The following TAFA5 variants were observed in gnomAD, a reference collection of about 807,000 sequenced individuals.
TAFA5 encodes the protein chemokine-like protein TAFA-5.
In TAFA5, 6 loss-of-function variants were observed where a neutral mutation model predicts 15.3. The ratio of observed to expected loss-of-function variants is 0.39; its 90% CI spans 0.21 to 0.77. The LOEUF (loss-of-function observed/expected upper bound fraction) is 0.77, where lower values mean the gene tolerates loss of function less well. Among genes scored for constraint, TAFA5 ranks in the 30% least tolerant of loss-of-function variants. TAFA5 has a pLI of 0.41. For synonymous variants in TAFA5, 103 were observed against 80.7 expected (o/e 1.28, Z -1.48); for missense variants, 161 against 193.1 (o/e 0.83, Z 0.98).
chr22:48,561,179 C>A (rs1158023651), intron 1 of TAFA5, among the ~76,000 whole-genome samples: 1 of 152,118 alleles, frequency 6.6e-6, no homozygotes, highest in Non-Finnish European at 1.5e-5. Flanking sequence ...CTGATGACAT[C>A]CCACATCTCG....
chr22:48,557,253 G>A (rs1923073263), intron 1 of TAFA5, among the ~76,000 whole-genome samples: 2 of 152,192 alleles, frequency 1.3e-5, no homozygotes, highest in African/African-American at 4.8e-5. Flanking sequence ...TAAGGGTGGG[G>A]CCCTGATCCA....
At chr22:48,650,744 C>T (rs1259348097) in intron 2 of TAFA5, among the ~76,000 whole-genome samples, 1 of 152,198 alleles carries the variant, frequency 6.6e-6, no homozygotes, top group Non-Finnish European at 1.5e-5. Context: ...GATTCAAACA[C>T]AAACCAGCCA....
rs759551273 is a variant in TAFA5 at position 48,742,067 on chromosome 22, G to C, written c.391-7772G>C. Among the ~76,000 whole-genome samples, 6 of 152,194 alleles carry C rather than the reference G, an allele frequency of 3.9e-5. No homozygotes were observed. The highest frequency in any genetic ancestry group is 1.3e-4 in the Admixed American group (2 of 15,282). On this transcript the variant is annotated intron_variant, in intron 3 of 3. Coordinates refer to ENST00000402357, the MANE Select transcript of TAFA5 (RefSeq NM_001082967.3). This position sits in a 1 kb window ranked among gnomAD's most constrained non-coding sequence, Gnocchi z 6.2. ...AGACGGGGAAACTGGGGCTCCCAGA[G>C]GCTCCAGCTGGGAGGCTGTGGGAGG...
intron 3 of TAFA5, among the ~76,000 whole-genome samples, chr22:48,722,960 A>G (rs1329442224): frequency 6.6e-6 from 1 of 152,146 alleles, no homozygotes; most frequent in Non-Finnish European, 1.5e-5. Flanking sequence ...ATGGACTTGC[A>G]GGGGAGCCCG....
At chr22:48,660,415 T>G (rs1927395655) in intron 2 of TAFA5, among the ~76,000 whole-genome samples, 1 of 152,240 alleles carries the variant, frequency 6.6e-6, no homozygotes, top group Non-Finnish European at 1.5e-5. Flanking sequence ...TTTCATTTTT[T>G]TATGGGGCTG....
At chr22:48,719,662 A>G (rs1929510265) in intron 3 of TAFA5, among the ~76,000 whole-genome samples, 1 of 152,242 alleles carries the variant, frequency 6.6e-6, no homozygotes, top group Non-Finnish European at 1.5e-5. Flanking sequence ...ACTTGGCCAG[A>G]AGTGGCCGGG....
intron 1 of TAFA5, among the ~76,000 whole-genome samples, chr22:48,585,628 C>T (rs1464927403): frequency 4.6e-5 from 7 of 151,254 alleles, no homozygotes; most frequent in African/African-American, 1.7e-4. Flanking sequence ...ACCACACACA[C>T]TAGACATCAC....
chr22:48,637,875 A>G (rs912817422), intron 1 of TAFA5, among the ~76,000 whole-genome samples: 2 of 152,006 alleles, frequency 1.3e-5, no homozygotes, highest in Non-Finnish European at 2.9e-5. Flanking sequence ...CCGGTTTATG[A>G]ATAGGTCTTC....
chr22:48,715,668 G>A (rs1009434250), intron 3 of TAFA5, among the ~76,000 whole-genome samples: 1 of 152,190 alleles, frequency 6.6e-6, no homozygotes. Context: ...CTGTCCTGCT[G>A]GAGAGAAGAG....
At chr22:48,612,993 G>A (rs114297168) in intron 1 of TAFA5, among the ~76,000 whole-genome samples, 1 of 152,120 alleles carries the variant, frequency 6.6e-6, no homozygotes, top group African/African-American at 2.4e-5. Context: ...CCCAGGAGGT[G>A]GGGCTCCTCC....
intron 1 of TAFA5, among the ~76,000 whole-genome samples, chr22:48,512,359 C>A (rs1224820653): frequency 6.6e-6 from 1 of 152,210 alleles, no homozygotes; most frequent in Non-Finnish European, 1.5e-5. Context: ...GTAATCCCAG[C>A]ACTTTGGGAG....
chr22:48,581,448 A>T (rs1924036348), intron 1 of TAFA5, among the ~76,000 whole-genome samples: 1 of 152,202 alleles, frequency 6.6e-6, no homozygotes, highest in Non-Finnish European at 1.5e-5. Context: ...TGCTGAGCAC[A>T]GTGCGAGAAA....
At chr22:48,707,182 A>G (rs130140) in intron 2 of TAFA5, among the ~76,000 whole-genome samples, 23 of 150,748 alleles carry the variant, frequency 1.5e-4, no homozygotes, top group Non-Finnish European at 3.0e-4. Context: ...CGGGAGTAGG[A>G]TGGGGGCCAG....
At position 48,566,292 on chromosome 22, in the gene TAFA5, AGATG is replaced by A. The variant is rs1457213202; in HGVS notation, c.112+76597_112+76600del. 7.2e-6 allele frequency among the ~76,000 whole-genome samples: 1 copy of A among 138,624 alleles called. No individual in the cohort carries two copies. The allele number at this position is 138,624 out of a possible 152,430, so 90.9% of individuals were successfully genotyped here. On this transcript the variant is annotated intron_variant, in intron 1 of 3. Coordinates refer to ENST00000402357, the MANE Select transcript of TAFA5 (RefSeq NM_001082967.3). The surrounding 1 kb of genome is among the most constrained non-coding windows in gnomAD (Gnocchi z 4.5). ...GATGAATGTATGATGGGTGGATGAA[AGATG>A]GATGGATGATGGATAGATGGATGGA...
intron 1 of TAFA5, among the ~76,000 whole-genome samples, chr22:48,511,942 C>T (rs969865280): frequency 6.6e-6 from 1 of 152,258 alleles, no homozygotes; most frequent in Non-Finnish European, 1.5e-5. Context: ...ACGGTGCGCT[C>T]ACTCACTCCT....
chr22:48,673,926 T>C (rs1041050297), intron 2 of TAFA5, among the ~76,000 whole-genome samples: 1 of 152,138 alleles, frequency 6.6e-6, no homozygotes, highest in Non-Finnish European at 1.5e-5. Context: ...GTGGGAGGGC[T>C]GGCCCCGGCT....
chr22:48,575,517 G>A (rs1290068113), intron 1 of TAFA5, among the ~76,000 whole-genome samples: 1 of 146,122 alleles, frequency 6.8e-6, no homozygotes, highest in Non-Finnish European at 1.5e-5. Context: ...GCGGGCGGGC[G>A]CGCGCCTCCA....
chr22:48,602,676 C>T (rs1008432110), intron 1 of TAFA5, among the ~76,000 whole-genome samples: 7 of 152,182 alleles, frequency 4.6e-5, no homozygotes, highest in African/African-American at 1.7e-4. Context: ...CTTGGCTCGC[C>T]GCACATGTCT....
At chr22:48,512,649 G>C (rs1405164197) in intron 1 of TAFA5, among the ~76,000 whole-genome samples, 1 of 150,754 alleles carries the variant, frequency 6.6e-6, no homozygotes, top group African/African-American at 2.4e-5. Flanking sequence ...GGCCGGGCGC[G>C]GTGGCTCATG....
Sources: allele counts gnomAD v4.1 joint callset (sites outside exome capture counted in the v4.1 genomes callset), GRCh38; gene constraint gnomAD v4.1.1; non-coding constraint Gnocchi (gnomAD v3.1); transcripts MANE v1.5; gene names NCBI Gene and HGNC (gene_info 2026-07-23, HGNC 2026-07-21).